The following ERC2 variants were observed in gnomAD, a reference collection of about 807,000 sequenced individuals.
The protein encoded by ERC2 is ELKS/RAB6-interacting/CAST family member 2, also known as ERC protein 2.
In ERC2, 42 loss-of-function variants were observed where a neutral mutation model predicts 114.8. The observed-to-expected ratio is 0.37, with a 90% confidence interval of 0.29 to 0.47. The LOEUF (loss-of-function observed/expected upper bound fraction) is 0.47, where lower values mean the gene tolerates loss of function less well. Among genes scored for constraint, ERC2 ranks in the 20% least tolerant of loss-of-function variants. The pLI, the probability that ERC2 is intolerant of heterozygous loss-of-function variation, is 0.99. For missense variants in ERC2, 939 were observed against 1,150.7 expected (o/e 0.82, Z 2.66); for synonymous variants, 454 against 425.5 (o/e 1.07, Z -0.82).
intron 10 of ERC2, among the ~76,000 whole-genome samples, chr3:56,000,951 T>C (rs985624338): frequency 2.4e-4 from 35 of 147,282 alleles, no homozygotes; most frequent in Admixed American, 2.7e-4. Flanking sequence ...AATAAGCAAA[T>C]AGAGTAGAAT....
At chr3:55,805,223 C>T (rs4129821) in intron 14 of ERC2, among the ~76,000 whole-genome samples, 21,948 of 151,788 alleles carry the variant, frequency 0.14, 1,776 homozygotes, top group East Asian at 0.23. Flanking sequence ...TTTTTATTAC[C>T]TTGTCACCTA....
chr3:56,442,500 C>T (rs1446584265), intron 1 of ERC2, among the ~76,000 whole-genome samples: 6 of 152,124 alleles, frequency 3.9e-5, no homozygotes, highest in African/African-American at 1.2e-4. Context: ...GGATTACAGG[C>T]GTGAACCACC....
At chr3:55,849,351 G>T (rs1464603301) in intron 14 of ERC2, among the ~76,000 whole-genome samples, 1 of 152,170 alleles carries the variant, frequency 6.6e-6, no homozygotes, top group African/African-American at 2.4e-5. Context: ...GTATTCCCAG[G>T]TTTTAAAATG....
intron 2 of ERC2, 67 bp from the exon 3 acceptor site, chr3:56,296,502 C>A (rs765155493): frequency 6.8e-7 from 1 of 1,459,974 alleles, no homozygotes; most frequent in Non-Finnish European, 9.2e-7. Context: ...ATGTCAAGTG[C>A]CGCTTGCTGC....
chr3:55,528,041 T>G (rs565890907), intron 17 of ERC2, among the ~76,000 whole-genome samples: 1 of 152,204 alleles, frequency 6.6e-6, no homozygotes, highest in East Asian at 1.9e-4. Context: ...AGGGGTAATA[T>G]GTACATGAAA....
intron 3 of ERC2, among the ~76,000 whole-genome samples, chr3:56,249,333 C>CTTTTTTT (rs35736169): frequency 6.7e-6 from 1 of 149,890 alleles, no homozygotes. Flanking sequence ...ATTAATTCAC[C>CTTTTTTT]TTTTTTTTTT....
intron 2 of ERC2, among the ~76,000 whole-genome samples, chr3:56,359,958 A>G (rs927851992): frequency 9.2e-5 from 14 of 152,158 alleles, no homozygotes; most frequent in African/African-American, 3.4e-4. Context: ...CCCACCTTCA[A>G]ATAAATTTCA....
At chr3:56,248,604 T>C (rs185292093) in intron 3 of ERC2, among the ~76,000 whole-genome samples, 1 of 152,360 alleles carries the variant, frequency 6.6e-6, no homozygotes, top group East Asian at 1.9e-4. Context: ...TGCCAACAAT[T>C]ATGCAAACAT....
chr3:56,170,585 G>GTTTTTTT (rs1178172687), intron 4 of ERC2, among the ~76,000 whole-genome samples: 6 of 61,772 alleles, frequency 9.7e-5, no homozygotes, highest in Admixed American at 2.0e-4. Flanking sequence ...AATCTCTTCT[G>GTTTTTTT]TTTTTTTTTT....
chr3:55,753,691 C>T lies in ERC2; in HGVS notation c.2565-18773G>A, dbSNP rs146761347. Among the ~76,000 whole-genome samples, 901 of 152,266 alleles carry T rather than the reference C, an allele frequency of 5.9e-3. 4 individuals are homozygous for T. Among genetic ancestry groups the T allele is most frequent in the Admixed American group, 0.012 (186 of 15,290 alleles). On this transcript the variant is annotated intron_variant, in intron 14 of 17. Coordinates refer to ENST00000288221, the MANE Select transcript of ERC2 (RefSeq NM_015576.3). ...CAAACATAAATTCACGAACGGAAAA[C>T]GACTATCTGGAGGAGGCACAAAAGA...
At chr3:56,170,975 C>T (rs1240099531) in intron 4 of ERC2, among the ~76,000 whole-genome samples, 2 of 151,910 alleles carry the variant, frequency 1.3e-5, no homozygotes, top group Middle Eastern at 3.2e-3. Context: ...CCGTGTTAGT[C>T]AGGATGGTCT....
intron 9 of ERC2, among the ~76,000 whole-genome samples, chr3:56,010,173 A>T (rs557600419): frequency 2.0e-4 from 31 of 152,298 alleles, no homozygotes; most frequent in Middle Eastern, 6.8e-3. Flanking sequence ...AGAATCCTTT[A>T]AGCTGTGCAA....
In ERC2 at chr3:55,719,987, CCTCT is replaced by C. The variant is rs1213929284; in HGVS notation, c.2712+14780_2712+14783del. 4.6e-5 allele frequency among the ~76,000 whole-genome samples: 4 copies of C among 87,130 alleles called. 1 individual carries two copies. The Middle Eastern group carries it at 0.014, about 303-fold the overall frequency. 57.2% of individuals were successfully genotyped at this position (87,130 alleles called of 152,430 possible). A position where few individuals can be genotyped will look rare whatever the true frequency, so the allele number is the denominator to read the frequency against. ...CCTTCTCTCCCTCCCTCTCTCCCTC[CCTCT>C]CTCTCCTCCCTTCTTTCCCTCCCTC... On this transcript the variant is annotated intron_variant, in intron 15 of 17. Coordinates refer to ENST00000288221, the MANE Select transcript of ERC2 (RefSeq NM_015576.3).
At chr3:56,282,059 G>C (rs1421512168) in intron 3 of ERC2, among the ~76,000 whole-genome samples, 1 of 152,182 alleles carries the variant, frequency 6.6e-6, no homozygotes, top group Non-Finnish European at 1.5e-5. Flanking sequence ...CCTGTGCAAA[G>C]TGCTTTGCAT....
intron 3 of ERC2, among the ~76,000 whole-genome samples, 166 bp downstream of exon 3, chr3:56,295,853 T>C (rs1450061314): frequency 4.6e-5 from 7 of 152,222 alleles, no homozygotes; most frequent in African/African-American, 7.2e-5. Flanking sequence ...CAAAGACTAA[T>C]ACAAAATTCC....
At chr3:55,936,758 G>A (rs1233392448) in intron 13 of ERC2, among the ~76,000 whole-genome samples, 1 of 152,130 alleles carries the variant, frequency 6.6e-6, no homozygotes, top group Non-Finnish European at 1.5e-5. Context: ...AATGGCACAG[G>A]GTGCTATAGG....
At chr3:56,383,464 A>C (rs2059826205) in intron 2 of ERC2, among the ~76,000 whole-genome samples, 1 of 152,204 alleles carries the variant, frequency 6.6e-6, no homozygotes. Context: ...CTCCACTAGC[A>C]TATAAGCTCC....
chr3:55,840,445 C>T (rs992352230), intron 14 of ERC2, among the ~76,000 whole-genome samples: 11 of 151,646 alleles, frequency 7.3e-5, no homozygotes, highest in Non-Finnish European at 1.0e-4. Flanking sequence ...TCTTCACCAA[C>T]ACTTGGTATG....
intron 14 of ERC2, among the ~76,000 whole-genome samples, chr3:55,799,396 C>CCTT (rs2070796728): frequency 9.2e-5 from 9 of 98,196 alleles, no homozygotes; most frequent in African/African-American, 3.0e-4. Flanking sequence ...TATATATATG[C>CCTT]ATATATATAT....
Sources: allele counts gnomAD v4.1 joint callset (sites outside exome capture counted in the v4.1 genomes callset), GRCh38; gene constraint gnomAD v4.1.1; transcripts MANE v1.5; gene names NCBI Gene and HGNC (gene_info 2026-07-23, HGNC 2026-07-21).